Variants in VAV2 observed in about 807,000 individuals in gnomAD.
The protein encoded by VAV2 is vav guanine nucleotide exchange factor 2.
In VAV2, 67 loss-of-function variants were observed where a neutral mutation model predicts 132.5. The ratio of observed to expected loss-of-function variants is 0.51; its 90% CI spans 0.42 to 0.62. VAV2 has a LOEUF of 0.62. Ranked by LOEUF, VAV2 falls within the 20% of genes least tolerant of loss-of-function variation. The pLI is 0.00. For synonymous variants in VAV2, 492 were observed against 443.5 expected (o/e 1.11, Z -1.37); for missense variants, 938 against 1,153.6 (o/e 0.81, Z 2.71).
chr9:133,915,762 TAC>T (rs150090429), intron 2 of VAV2, among the ~76,000 whole-genome samples: 11,303 of 137,870 alleles, frequency 0.082, 709 homozygotes, highest in African/African-American at 0.19. Context: ...GATGCACACA[TAC>T]ACACAATGCA....
chr9:133,954,978 G>C (rs192208946), intron 1 of VAV2, among the ~76,000 whole-genome samples: 5 of 152,110 alleles, frequency 3.3e-5, no homozygotes, highest in Non-Finnish European at 7.4e-5. Context: ...TCATTATACT[G>C]CTGTTTGCGT....
Position 133,764,083 on chromosome 9 carries a change from T to C in VAV2, c.2616A>G (p.Val872=). Residue 872 remains valine, a synonymous_variant, in exon 30 of 30, where the codon GTA becomes GTG. Transcript: ENST00000371850. ...GCCGTCACTGGATGCCCTCCTCTTCTACGTACGTTGAAGGAAACCAGCCAA... is the reference window on the plus strand; with the variant it reads ...GCCGTCACTGGATGCCCTCCTCTTCCACGTACGTTGAAGGAAACCAGCCAA... The part of the protein sequence containing the change: ...GRIGWFPSTY[V]EEEGIQ 1.2e-6 allele frequency: 2 copies of C among 1,614,002 alleles called. No homozygotes were observed. Among genetic ancestry groups the C allele is most frequent in the Non-Finnish European group, 1.7e-6 (2 of 1,179,958 alleles).
chr9:133,960,142 G>A (rs1021688660), intron 1 of VAV2, among the ~76,000 whole-genome samples: 2 of 152,196 alleles, frequency 1.3e-5, no homozygotes, highest in South Asian at 4.1e-4. Flanking sequence ...TCAGGAGAAA[G>A]AACTGTGAAA....
chr9:133,809,151 AG>A lies in VAV2; in HGVS notation c.568-14del. On this transcript the variant is annotated splice_polypyrimidine_tract_variant and intron_variant, in intron 6 of 29. Transcript: ENST00000371850. ...TCATGCCCATTTTCTAGAGGAGGGAAGGGGGAGTCAGCAGGACCCCATGGGC... is the reference window on the plus strand; with the variant it reads ...TCATGCCCATTTTCTAGAGGAGGGAAGGGGAGTCAGCAGGACCCCATGGGC... 1 of 1,612,682 alleles carries A rather than the reference AG, an allele frequency of 6.2e-7. No homozygotes were observed. The highest frequency in any genetic ancestry group is 8.5e-7 in the Non-Finnish European group (1 of 1,179,180).
At chr9:133,986,971 C>T (rs62577872) in intron 1 of VAV2, among the ~76,000 whole-genome samples, 1,974 of 151,684 alleles carry the variant, frequency 0.013, 12 homozygotes, top group Non-Finnish European at 0.021. Context: ...ACAAAGCCTG[C>T]GTGGCACACA....
chr9:133,793,486 T>C (rs1834583275), intron 12 of VAV2, among the ~76,000 whole-genome samples: 1 of 152,162 alleles, frequency 6.6e-6, no homozygotes, highest in Non-Finnish European at 1.5e-5. Context: ...TTCTTGTCGT[T>C]GTCCACTTGC....
At chr9:133,978,881 C>T (rs1004072825) in intron 1 of VAV2, among the ~76,000 whole-genome samples, 1 of 152,252 alleles carries the variant, frequency 6.6e-6, no homozygotes, top group African/African-American at 2.4e-5. Flanking sequence ...TCCTTCAGAA[C>T]ACGAAGCTTC....
chr9:133,918,480 G>T lies in VAV2; in HGVS notation c.321+20623C>A, dbSNP rs940507108. Among the ~76,000 whole-genome samples the T allele has an allele frequency of 6.9e-6, 1 of 145,372 alleles. No homozygotes were observed. Among genetic ancestry groups the T allele is most frequent in the African/African-American group, 2.7e-5 (1 of 36,958 alleles). Reference sequence around the variant, plus strand: ...AGACTCCTTCTCGGTGGCACCCATTGTAAGAGTCAGCCTGGAATCTCTGAG... The same window carrying T: ...AGACTCCTTCTCGGTGGCACCCATTTTAAGAGTCAGCCTGGAATCTCTGAG... On this transcript the variant is annotated intron_variant, in intron 2 of 29. Coordinates refer to ENST00000371850, the MANE Select transcript of VAV2 (RefSeq NM_001134398.2). The surrounding 1 kb of genome is among the most constrained non-coding windows in gnomAD (Gnocchi z 4.7).
At chr9:133,899,787 C>T (rs1384991812) in intron 2 of VAV2, among the ~76,000 whole-genome samples, 8 of 149,530 alleles carry the variant, frequency 5.4e-5, no homozygotes, top group Admixed American at 1.3e-4. Flanking sequence ...TTTGGGAGGC[C>T]GAGGCGGGTG....
Position 133,768,948 on chromosome 9 carries a change from G to A in VAV2, c.2435-352C>T, listed in dbSNP as rs1833525932. Among the ~76,000 whole-genome samples the A allele has an allele frequency of 6.6e-6, 1 of 152,188 alleles. No individual in the cohort carries two copies. On this transcript the variant is annotated intron_variant, in intron 28 of 29. Transcript: ENST00000371850. This position sits in a 1 kb window ranked among gnomAD's most constrained non-coding sequence, Gnocchi z 5.3. Reference sequence around the variant, plus strand: ...CCCAGATGCAGAATCCTGATAGACAGGTGACAATGACCATGGCTGAGGGCG... The same window carrying A: ...CCCAGATGCAGAATCCTGATAGACAAGTGACAATGACCATGGCTGAGGGCG...
chr9:133,890,598 A>T (rs527986482), intron 2 of VAV2, among the ~76,000 whole-genome samples: 48 of 152,262 alleles, frequency 3.2e-4, no homozygotes, highest in Middle Eastern at 3.4e-3. Flanking sequence ...TGCCTGCTAA[A>T]GACAGCACTC....
chr9:133,876,677 A>G (rs1304870595), intron 2 of VAV2, among the ~76,000 whole-genome samples: 3 of 152,100 alleles, frequency 2.0e-5, no homozygotes, highest in African/African-American at 7.2e-5. Context: ...GGACCGCGGG[A>G]GGGGGGCGGC....
In VAV2 at chr9:133,863,613, C is replaced by T. The variant is rs796585090; in HGVS notation, c.322-2181G>A. 2.0e-5 allele frequency among the ~76,000 whole-genome samples: 3 copies of T among 152,320 alleles called. No individual in the cohort carries two copies. Among genetic ancestry groups the T allele is most frequent in the African/African-American group, 7.2e-5 (3 of 41,578 alleles). On this transcript the variant is annotated intron_variant, in intron 2 of 29. Coordinates refer to ENST00000371850, the MANE Select transcript of VAV2 (RefSeq NM_001134398.2). The surrounding 1 kb of genome is among the most constrained non-coding windows in gnomAD (Gnocchi z 5.0). ...GCTTTGCCCCAGGATGAACGTGTCA[C>T]GAGCAGCTGATGAAGGGCTCTGGAG...
At chr9:133,891,283 G>A in intron 2 of VAV2, among the ~76,000 whole-genome samples, 1 of 133,704 alleles carries the variant, frequency 7.5e-6, no homozygotes, top group Non-Finnish European at 1.6e-5. Context: ...GGGTGGTGGG[G>A]AGGGATGGAG....
At chr9:133,773,294 A>C (rs896714554) in intron 25 of VAV2, among the ~76,000 whole-genome samples, 1 of 142,962 alleles carries the variant, frequency 7.0e-6, no homozygotes, top group African/African-American at 2.5e-5. Flanking sequence ...GGTATGGTAA[A>C]AACACAGTAG....
intron 2 of VAV2, among the ~76,000 whole-genome samples, chr9:133,881,527 G>A (rs547703429): frequency 5.3e-5 from 8 of 152,272 alleles, no homozygotes; most frequent in South Asian, 2.1e-4. Context: ...AGGTGGAGAC[G>A]AGGAACTGAC....
At position 133,918,152 on chromosome 9, in the gene VAV2, C is replaced by T. The variant is rs971319807; in HGVS notation, c.321+20951G>A. ...CAGTATTAGGACAGCTCTCCTTTTC[C>T]ACTTGAAAGGCATCTCAGGGTGGTT... is the stretch of plus-strand genomic sequence containing the variant. On this transcript the variant is annotated intron_variant, in intron 2 of 29. Transcript: ENST00000371850. This position sits in a 1 kb window ranked among gnomAD's most constrained non-coding sequence, Gnocchi z 4.7. Among the ~76,000 whole-genome samples, 9 of 152,216 alleles carry T rather than the reference C, an allele frequency of 5.9e-5. No homozygotes were observed. Among genetic ancestry groups the T allele is most frequent in the Admixed American group, 1.3e-4 (2 of 15,286 alleles).
intron 1 of VAV2, among the ~76,000 whole-genome samples, chr9:133,944,921 G>T (rs756511190): frequency 6.6e-6 from 1 of 152,210 alleles, no homozygotes; most frequent in Non-Finnish European, 1.5e-5. Context: ...CTGGCACAGA[G>T]CTCCAGGCCC....
rs55659710 is a variant in VAV2 at position 133,866,805 on chromosome 9, C to CAAAA, written c.322-5377_322-5374dup. Among the ~76,000 whole-genome samples, 23 of 85,222 alleles carry CAAAA rather than the reference C, an allele frequency of 2.7e-4. No homozygotes were observed. The Admixed American group carries it at 2.7e-3, about 10-fold the overall frequency. The allele number at this position is 85,222 out of a possible 152,430, so 55.9% of individuals were successfully genotyped here. A position where few individuals can be genotyped will look rare whatever the true frequency, so the allele number is the denominator to read the frequency against. On this transcript the variant is annotated intron_variant, in intron 2 of 29. Transcript: ENST00000371850. ...TGGGCAACAGAGCAAGACTCCGTCTCAAAAAAAAAAAAAAAAAGAGGAGCC... is the reference window on the plus strand; with the variant it reads ...TGGGCAACAGAGCAAGACTCCGTCTCAAAAAAAAAAAAAAAAAAAAAGAGGAGCC...
Sources: allele counts gnomAD v4.1 joint callset (sites outside exome capture counted in the v4.1 genomes callset), GRCh38; gene constraint gnomAD v4.1.1; non-coding constraint Gnocchi (gnomAD v3.1); transcripts MANE v1.5; gene names NCBI Gene and HGNC (gene_info 2026-07-23, HGNC 2026-07-21).